The following PIGG variants were observed in gnomAD, a reference collection of about 807,000 sequenced individuals.
PIGG encodes GPI ethanolamine phosphate transferase 2, catalytic subunit.
A neutral mutation model predicts 83.2 loss-of-function variants in PIGG; 70 were observed. The observed-to-expected ratio is 0.84, with a 90% confidence interval of 0.69 to 1.03. The LOEUF (loss-of-function observed/expected upper bound fraction) is 1.03, where lower values mean the gene tolerates loss of function less well. Ranked by LOEUF, PIGG falls within the 50% of genes least tolerant of loss-of-function variation. The pLI is 0.00. For missense variants in PIGG, 1,257 were observed against 1,233.6 expected (o/e 1.02, Z -0.28); for synonymous variants, 532 against 519.5 (o/e 1.02, Z -0.33).
chr4:516,505 C>G (rs78539893), intron 6 of PIGG, among the ~76,000 whole-genome samples: 3,661 of 152,192 alleles, frequency 0.024, 131 homozygotes, highest in African/African-American at 0.082. Flanking sequence ...ATGGAACCTT[C>G]CAGAGGGAGG....
chr4:526,377 A>C lies in PIGG; in HGVS notation c.2070-662A>C, dbSNP rs1178910475. Among the ~76,000 whole-genome samples the C allele has an allele frequency of 2.0e-5, 3 of 152,190 alleles. No homozygotes were observed. In the East Asian group the frequency reaches 5.8e-4, roughly 29 times the overall value. ...AGGGAGCCCGGCCTTCCCCACCCTCACACAGGCCAGGACTGGCTGGTGCTG... is the reference window on the plus strand; with the variant it reads ...AGGGAGCCCGGCCTTCCCCACCCTCCCACAGGCCAGGACTGGCTGGTGCTG... On this transcript the variant is annotated intron_variant, in intron 9 of 12. Coordinates refer to ENST00000453061, the MANE Select transcript of PIGG (RefSeq NM_001127178.3).
intron 6 of PIGG, among the ~76,000 whole-genome samples, chr4:520,154 C>T (rs1374565350): frequency 6.6e-6 from 1 of 152,178 alleles, no homozygotes; most frequent in African/African-American, 2.4e-5. Flanking sequence ...CATGCAGAGC[C>T]ACAGGGTGGG....
chr4:525,316 G>A (rs1477159328), intron 9 of PIGG: 2 of 985,186 alleles, frequency 2.0e-6, no homozygotes, highest in Non-Finnish European at 2.4e-6. Flanking sequence ...AAGATTTGCC[G>A]AGACTTAAAT....
At chr4:501,181 A>G (rs766274468) in intron 2 of PIGG, 13 of 455,652 alleles carry the variant, frequency 2.9e-5, no homozygotes, top group Non-Finnish European at 5.7e-5. Flanking sequence ...GTAAGCCTTT[A>G]TTGATTGGCT....
In PIGG at chr4:527,211, G is replaced by T. The variant is rs760617928; in HGVS notation, c.2242G>T (p.Asp748Tyr). The part of the protein sequence containing the change: ...IGSVRFPWRP[D>Y]SKDISKGIIE... Reference sequence around the variant, plus strand: ...GAGTGTCCGGTTCCCGTGGCGGCCGGACAGCAAGGACATTTCCAAGTAAGT... The same window carrying T: ...GAGTGTCCGGTTCCCGTGGCGGCCGTACAGCAAGGACATTTCCAAGTAAGT... The change falls in exon 10 of 13, where the codon GAC becomes TAC. Residue 748 changes from aspartate (D) to tyrosine (Y), a missense_variant. Asp to Tyr is a radical substitution (Grantham distance 160, BLOSUM62 -3). Coordinates refer to ENST00000453061, the MANE Select transcript of PIGG (RefSeq NM_001127178.3). The T allele has an allele frequency of 3.1e-6, 5 of 1,596,294 alleles. No individual in the cohort carries two copies. The highest frequency in any genetic ancestry group is 1.1e-5 in the South Asian group (1 of 88,772).
At chr4:537,596 G>T (rs1157159440) in intron 12 of PIGG, among the ~76,000 whole-genome samples, 10 of 152,242 alleles carry the variant, frequency 6.6e-5, no homozygotes, top group Admixed American at 5.2e-4. Flanking sequence ...ATACCAAGTG[G>T]TGACCAGCGG....
intron 8 of PIGG, chr4:522,608 C>T (rs780378225): frequency 2.5e-5 from 4 of 160,998 alleles, no homozygotes; most frequent in Non-Finnish European, 5.5e-5. Flanking sequence ...CCCAACCCTG[C>T]GCAGCCCTCA....
chr4:530,597 T>C lies in PIGG; in HGVS notation c.2423T>C (p.Leu808Pro), dbSNP rs758901576. The change falls in exon 11 of 13, where the codon CTC (leucine) becomes CCC (proline). Residue 808 changes from leucine (L) to proline (P), a missense_variant. Leu to Pro is a moderately conservative substitution (Grantham distance 98, BLOSUM62 -3). Coordinates refer to ENST00000453061, the MANE Select transcript of PIGG (RefSeq NM_001127178.3). Reference protein sequence around the residue: ...YSGLVLLAALLFRPHNLPVLA... With the variant: ...YSGLVLLAALPFRPHNLPVLA... ...GGATTAGTTCTTCTGGCAGCCTTGC[T>C]CTTTAGACCACATAATCTTCCGGTC... The C allele has an allele frequency of 2.2e-5, 35 of 1,614,062 alleles. No individual in the cohort carries two copies. The highest frequency in any genetic ancestry group is 3.0e-5 in the Non-Finnish European group (35 of 1,179,912).
intron 12 of PIGG, 118 bp from the exon 13 acceptor site, chr4:539,035 G>A (rs545389690): frequency 6.1e-6 from 4 of 659,524 alleles, no homozygotes; most frequent in Admixed American, 4.9e-5. Context: ...AAGAAGGAAC[G>A]CGGTGCCCTC....
At chr4:499,715 A>T in intron 1 of PIGG, 1 of 1,388,024 alleles carries the variant, frequency 7.2e-7, no homozygotes, top group Non-Finnish European at 9.3e-7. Context: ...TTCCTTCCTG[A>T]TCACCACAAA....
intron 5 of PIGG, among the ~76,000 whole-genome samples, chr4:509,427 A>G (rs1295732082): frequency 1.3e-5 from 2 of 152,068 alleles, no homozygotes; most frequent in Non-Finnish European, 2.9e-5. Flanking sequence ...ACACACACAC[A>G]CCCCACTCTG....
chr4:535,230 G>C (rs935237504), intron 12 of PIGG, among the ~76,000 whole-genome samples: 2 of 152,206 alleles, frequency 1.3e-5, no homozygotes, highest in South Asian at 2.1e-4. Flanking sequence ...ACATGTGCCT[G>C]GTTTTCCCAT....
rs1338729152 is a variant in PIGG at position 499,241 on chromosome 4, T to C, written c.-95T>C. 2.9e-6 allele frequency: 4 copies of C among 1,372,442 alleles called. No homozygotes were observed. In the African/African-American group the frequency reaches 4.3e-5, roughly 15 times the overall value. 85.0% of individuals were successfully genotyped at this position (1,372,442 alleles called of 1,614,324 possible). ...GCTGCGACGATAAGGCCTGGCGTTA[T>C]TGCTTAGAGGCGGCTACCTGGAGCC... On this transcript the variant is annotated 5_prime_UTR_variant, in exon 1 of 13. Transcript: ENST00000453061.
In PIGG at chr4:539,138, C is replaced by T. The variant is rs769047440; in HGVS notation, c.2736-15C>T. 1 of 1,554,820 alleles carries T rather than the reference C, an allele frequency of 6.4e-7. No individual in the cohort carries two copies. The highest frequency in any genetic ancestry group is 8.9e-7 in the Non-Finnish European group (1 of 1,128,006). On this transcript the variant is annotated splice_polypyrimidine_tract_variant and intron_variant, in intron 12 of 12. Transcript: ENST00000453061. ...AGTGGCATGTGCTAATACACATTTT[C>T]TTTCTTATTAACAGTGGTTCAGCAC... is the stretch of plus-strand genomic sequence containing the variant.
At position 523,647 on chromosome 4, in the gene PIGG, T is replaced by C. The variant is rs766704482; in HGVS notation, c.1803T>C (p.Asp601=). The part of the protein sequence containing the change: ...QETYRNYFLG[D]DGEPPCGLCV... The stretch of plus-strand genomic sequence containing the variant: ...CCTACAGAAACTACTTTCTGGGAGA[T>C]GACGGTGAGCCTCCGTGTGGCCTCT... The change falls in exon 9 of 13, where the codon GAT becomes GAC. Residue 601 remains aspartate (D), a synonymous_variant. Transcript: ENST00000453061. 6.2e-7 allele frequency: 1 copy of C among 1,614,098 alleles called. No homozygotes were observed. Among genetic ancestry groups the C allele is most frequent in the African/African-American group, 1.3e-5 (1 of 74,930 alleles).
chr4:508,980 T>C lies in PIGG; in HGVS notation c.901+10T>C, dbSNP rs782012518. The C allele has an allele frequency of 2.5e-6, 4 of 1,605,018 alleles. No homozygotes were observed. The Admixed American group carries it at 6.8e-5, about 27-fold the overall frequency. On this transcript the variant is annotated intron_variant, in intron 5 of 12. Coordinates refer to ENST00000453061, the MANE Select transcript of PIGG (RefSeq NM_001127178.3). The stretch of plus-strand genomic sequence containing the variant: ...TTTGAAAGGAAACCCGGTGAGAATT[T>C]AGGAATGTTAACAGTTGGAAATTGT...
chr4:512,365 A>G (rs113442807), intron 5 of PIGG, among the ~76,000 whole-genome samples: 9,754 of 150,954 alleles, frequency 0.065, 970 homozygotes, highest in African/African-American at 0.22. Flanking sequence ...GATTACAGGC[A>G]CCCACCACCA....
chr4:504,550 C>T (rs61668152), intron 2 of PIGG, among the ~76,000 whole-genome samples: 1,623 of 152,248 alleles, frequency 0.011, 25 homozygotes, highest in African/African-American at 0.037. Flanking sequence ...TATTATTGCT[C>T]CTGGGAGAGA....
Position 526,834 on chromosome 4 carries a change from C to T in PIGG, c.2070-205C>T, listed in dbSNP as rs1270343926. 4 of 629,078 alleles carry T rather than the reference C, an allele frequency of 6.4e-6. No individual in the cohort carries two copies. In the African/African-American group the frequency reaches 7.4e-5, roughly 12 times the overall value. 39.0% of individuals were successfully genotyped at this position (629,078 alleles called of 1,614,324 possible). Reference sequence around the variant, plus strand: ...AAGTGCTGGGATTGCTGGTGTGAGCCACCACACCCCACTGAGGTTGACCAT... The same window carrying T: ...AAGTGCTGGGATTGCTGGTGTGAGCTACCACACCCCACTGAGGTTGACCAT... On this transcript the variant is annotated intron_variant, in intron 9 of 12. Transcript: ENST00000453061.
Sources: gnomAD v4.1 joint callset for allele counts (sites outside exome capture counted in the v4.1 genomes callset) on GRCh38, gnomAD v4.1.1 for gene constraint, MANE v1.5 for transcripts, NCBI Gene and HGNC (gene_info 2026-07-23, HGNC 2026-07-21) for gene names.